The following PRKCB variants were observed in gnomAD, a reference collection of about 807,000 sequenced individuals.
The protein encoded by PRKCB is protein kinase C beta type.
In PRKCB, 13 loss-of-function variants were observed where a neutral mutation model predicts 81.5. The observed-to-expected ratio is 0.16, with a 90% CI of 0.10 to 0.25. The LOEUF (loss-of-function observed/expected upper bound fraction) is 0.25, where lower values mean the gene tolerates loss of function less well. PRKCB is among the 10% of genes least tolerant of loss of function. PRKCB has a pLI of 1.00. For missense variants in PRKCB, 509 were observed against 875.7 expected, an observed-to-expected ratio of 0.58 and a Z score of 5.29; for synonymous variants, 335 against 321.4, an observed-to-expected ratio of 1.04 and a Z score of -0.45.
chr16:24,079,787 T>C (rs1966226317), intron 5 of PRKCB, among the ~76,000 whole-genome samples: 2 of 152,358 alleles, frequency 1.3e-5, no homozygotes, highest in African/African-American at 2.4e-5. Context: ...ATGATAGTGA[T>C]GGTGGGCATT....
chr16:24,183,940 C>T (rs1308375060), intron 13 of PRKCB, among the ~76,000 whole-genome samples: 1 of 152,128 alleles, frequency 6.6e-6, no homozygotes, highest in Non-Finnish European at 1.5e-5. Flanking sequence ...ACTTCACAAC[C>T]ATATATACCA....
intron 9 of PRKCB, among the ~76,000 whole-genome samples, chr16:24,124,855 G>A (rs9934029): frequency 6.6e-6 from 1 of 151,960 alleles, no homozygotes; most frequent in Non-Finnish European, 1.5e-5. Context: ...ACTGTTCCTG[G>A]CCACCGCCCC....
At position 23,908,911 on chromosome 16, in the gene PRKCB, G is replaced by A. The variant is rs78252492; in HGVS notation, c.205+71505G>A. On this transcript the variant is annotated intron_variant, in intron 2 of 16. Transcript: ENST00000643927. The stretch of plus-strand genomic sequence containing the variant: ...CAAAAGGAAGAGAGTGAAGAACAGC[G>A]TGGTGTCACCCACCCAGTGGCCACC... Among the ~76,000 whole-genome samples the A allele has an allele frequency of 7.7e-4, 118 of 152,332 alleles. 1 individual carries two copies. The highest frequency in any genetic ancestry group is 2.8e-3 in the African/African-American group (115 of 41,580).
intron 7 of PRKCB, among the ~76,000 whole-genome samples, chr16:24,096,664 AAAATATATATATATATATAT>A (rs1191365139): frequency 1.1e-4 from 9 of 85,438 alleles, no homozygotes; most frequent in East Asian, 4.0e-4. Context: ...AAAAAAAAAA[AAAATATATATATATATATAT>A]ATATATATAT....
chr16:24,054,493 T>C (rs566678145), intron 5 of PRKCB, among the ~76,000 whole-genome samples: 130 of 152,328 alleles, frequency 8.5e-4, no homozygotes, highest in African/African-American at 3.0e-3. Context: ...GGTGCTGGAA[T>C]TTAAACCCAG....
intron 10 of PRKCB, among the ~76,000 whole-genome samples, chr16:24,171,511 A>G (rs934519980): frequency 1.3e-5 from 2 of 152,150 alleles, no homozygotes; most frequent in Non-Finnish European, 2.9e-5. Context: ...GGAAGGTACT[A>G]CACAAGAACA....
chr16:24,009,668 CA>C (rs1426552382), intron 3 of PRKCB, among the ~76,000 whole-genome samples: 2 of 151,614 alleles, frequency 1.3e-5, no homozygotes, highest in African/African-American at 4.8e-5. Context: ...GGCAGGAATA[CA>C]AAATGTTGCA....
intron 9 of PRKCB, among the ~76,000 whole-genome samples, chr16:24,129,125 G>A (rs1015715779): frequency 2.0e-5 from 3 of 152,124 alleles, no homozygotes; most frequent in African/African-American, 7.2e-5. Context: ...TTTAATGAAT[G>A]CTAATACTGT....
At chr16:24,127,481 C>T (rs952391639) in intron 9 of PRKCB, among the ~76,000 whole-genome samples, 3 of 148,468 alleles carry the variant, frequency 2.0e-5, no homozygotes, top group Non-Finnish European at 4.4e-5. Flanking sequence ...TTCCAGTCCC[C>T]CTGAGCTAAT....
chr16:24,024,037 G>T (rs1965443204), intron 3 of PRKCB, among the ~76,000 whole-genome samples: 1 of 152,202 alleles, frequency 6.6e-6, no homozygotes. Context: ...GAATTGGAAG[G>T]CAGGATGCCA....
At chr16:23,868,975 C>T in intron 2 of PRKCB, 1 of 365,596 alleles carries the variant, frequency 2.7e-6, no homozygotes, top group Non-Finnish European at 5.7e-6. Context: ...ACCCATTTCA[C>T]AGATGCCGAA....
chr16:23,943,150 A>C (rs150956380), intron 2 of PRKCB, among the ~76,000 whole-genome samples: 77 of 152,320 alleles, frequency 5.1e-4, no homozygotes, highest in African/African-American at 1.8e-3. Context: ...TGGGAAACTC[A>C]GTCAAACTCT....
intron 2 of PRKCB, among the ~76,000 whole-genome samples, chr16:23,847,429 C>T (rs961834304): frequency 2.1e-5 from 3 of 144,620 alleles, no homozygotes; most frequent in Admixed American, 7.0e-5. Flanking sequence ...TACATCCATC[C>T]GTCTGTCCAT....
chr16:24,174,771 G>A, intron 12 of PRKCB, 191 bp downstream of exon 12: 3 of 510,168 alleles, frequency 5.9e-6, no homozygotes, highest in South Asian at 6.8e-5. Flanking sequence ...TCTATATGGT[G>A]GTAGAAAATC....
intron 7 of PRKCB, among the ~76,000 whole-genome samples, chr16:24,109,516 G>A (rs1329281698): frequency 1.4e-4 from 16 of 118,002 alleles, no homozygotes; most frequent in African/African-American, 2.8e-4. Context: ...ATGGGCGGCC[G>A]GGCAGAGACG....
At chr16:23,886,570 G>T (rs1416011918) in intron 2 of PRKCB, among the ~76,000 whole-genome samples, 1 of 151,630 alleles carries the variant, frequency 6.6e-6, no homozygotes, top group Non-Finnish European at 1.5e-5. Context: ...GCACCACCAC[G>T]CCTGACTAAT....
intron 10 of PRKCB, among the ~76,000 whole-genome samples, chr16:24,157,152 AT>A (rs981169904): frequency 6.6e-6 from 1 of 152,136 alleles, no homozygotes; most frequent in African/African-American, 2.4e-5. Context: ...GTACATGGAA[AT>A]TTTGCAGAAG....
intron 5 of PRKCB, among the ~76,000 whole-genome samples, chr16:24,080,610 A>C (rs921570649): frequency 6.6e-6 from 1 of 152,216 alleles, no homozygotes; most frequent in Non-Finnish European, 1.5e-5. Context: ...ACAGTTGTAC[A>C]TACAGTTGTA....
intron 3 of PRKCB, among the ~76,000 whole-genome samples, chr16:24,013,057 A>G (rs1400686833): frequency 6.6e-6 from 1 of 152,168 alleles, no homozygotes; most frequent in African/African-American, 2.4e-5. Flanking sequence ...ATTGATTCAG[A>G]ACCTCTCAGT....
Sources: allele counts gnomAD v4.1 joint callset (sites outside exome capture counted in the v4.1 genomes callset), GRCh38; gene constraint gnomAD v4.1.1; transcripts MANE v1.5; gene names NCBI Gene and HGNC (gene_info 2026-07-23, HGNC 2026-07-21).